Variants in GGA3 observed in about 807,000 individuals in gnomAD.
The protein encoded by GGA3 is ADP-ribosylation factor-binding protein GGA3.
In GGA3, 57 loss-of-function variants were observed where a neutral mutation model predicts 77.5. That is an observed-to-expected ratio of 0.74 (90% CI 0.59 to 0.92). The LOEUF (loss-of-function observed/expected upper bound fraction) is 0.92, where lower values mean the gene tolerates loss of function less well. Among genes scored for constraint, GGA3 ranks in the 40% least tolerant of loss-of-function variants. The pLI is 0.00. For synonymous variants in GGA3, 416 were observed against 383.7 expected, an observed-to-expected ratio of 1.08 and a Z score of -0.98; for missense variants, 970 against 914.9, an observed-to-expected ratio of 1.06 and a Z score of -0.78.
upstream of GGA3, chr17:75,262,102 C>A: frequency 1.6e-6 from 2 of 1,229,368 alleles, no homozygotes; most frequent in South Asian, 2.6e-5. Flanking sequence ...TGGATTCAAG[C>A]TTCTAAGTTA....
intron 12 of GGA3, 26 bp from the exon 13 acceptor site, chr17:75,240,134 GCCGA>G: frequency 1.0e-6 from 1 of 984,854 alleles, no homozygotes; most frequent in African/African-American, 1.6e-5. Context: ...AGGGTGGTGA[GCCGA>G]GGGCGGGTGG....
At chr17:75,251,012 C>T (rs1411240245) in intron 1 of GGA3, among the ~76,000 whole-genome samples, 2 of 151,850 alleles carry the variant, frequency 1.3e-5, no homozygotes, top group Non-Finnish European at 2.9e-5. Context: ...ACCCAGGAGG[C>T]AGAGGCTGCA....
At chr17:75,246,905 C>G in intron 1 of GGA3, 109 bp from the exon 2 acceptor site, 2 of 808,302 alleles carry the variant, frequency 2.5e-6, no homozygotes, top group East Asian at 2.5e-5. Flanking sequence ...CAACTTTACT[C>G]TCTAATAGAG....
At chr17:75,247,397 G>C (rs1237339461) in intron 1 of GGA3, among the ~76,000 whole-genome samples, 1 of 151,932 alleles carries the variant, frequency 6.6e-6, no homozygotes, top group African/African-American at 2.4e-5. Context: ...CAAGTAGCTG[G>C]GACTACAGGT....
intron 1 of GGA3, among the ~76,000 whole-genome samples, chr17:75,259,903 G>A (rs1438178182): frequency 2.6e-5 from 4 of 152,062 alleles, no homozygotes; most frequent in Non-Finnish European, 4.4e-5. Context: ...TAATCCCAGC[G>A]CTTTGTAAGG....
chr17:75,241,175 C>T, intron 10 of GGA3, 118 bp from the exon 11 acceptor site: 2 of 1,230,100 alleles, frequency 1.6e-6, no homozygotes, highest in Non-Finnish European at 1.2e-6. Context: ...AATCCAACGG[C>T]ATCTCTGCCA....
chr17:75,251,024 T>G (rs1259504028), intron 1 of GGA3, among the ~76,000 whole-genome samples: 1 of 151,840 alleles, frequency 6.6e-6, no homozygotes, highest in East Asian at 1.9e-4. Context: ...GAGGCTGCAG[T>G]GAGCTGAGAT....
At chr17:75,257,323 G>C (rs1278852251) in intron 1 of GGA3, among the ~76,000 whole-genome samples, 5 of 137,322 alleles carry the variant, frequency 3.6e-5, no homozygotes, top group Non-Finnish European at 7.7e-5. Context: ...ACTATCTTCT[G>C]TCTAGTCATA....
chr17:75,242,871 A>G lies in GGA3; in HGVS notation c.569T>C (p.Leu190Pro), dbSNP rs1567786212. 6.2e-7 allele frequency: 1 copy of G among 1,614,052 alleles called. No homozygotes were observed. Among genetic ancestry groups the G allele is most frequent in the Admixed American group, 1.7e-5 (1 of 60,026 alleles). The change falls in exon 7 of 17, where the codon CTG (leucine) becomes CCG (proline). Residue 190 changes from leucine to proline, a missense_variant. By Grantham distance (98) the Leu-to-Pro change is moderately conservative. Transcript: ENST00000537686. The stretch of plus-strand genomic sequence containing the variant: ...CTTGATGAGCTTGTTGGCCTCCTGC[A>G]GGTCATCTGGGTTTTTGCTTTTCAG... Reference protein sequence around the residue: ...KLLKSKNPDDLQEANKLIKSM... With the variant: ...KLLKSKNPDDPQEANKLIKSM...
At chr17:75,252,552 C>T (rs2145574014) in intron 1 of GGA3, among the ~76,000 whole-genome samples, 1 of 152,192 alleles carries the variant, frequency 6.6e-6, no homozygotes, top group Non-Finnish European at 1.5e-5. Context: ...TATCCCTACC[C>T]TCCACTCCTT....
At position 75,242,354 on chromosome 17, in the gene GGA3, C is replaced by G. The variant is rs751552023; in HGVS notation, c.729G>C (p.Gly243=). 6.2e-7 allele frequency: 1 copy of G among 1,614,178 alleles called. No individual in the cohort carries two copies. Among genetic ancestry groups the G allele is most frequent in the Admixed American group, 1.7e-5 (1 of 60,024 alleles). ...GTCCCACCTTCATCAGCTCTCTGTC[C>G]CCGTCCGAAGAGTCCTCCTGGCTGT... ...LHYSQEDSSD[G]DRELMKELFD... is the part of the protein sequence containing the mutation. Residue 243 remains glycine (G), a synonymous_variant, in exon 8 of 17, where the codon GGG becomes GGC. Transcript: ENST00000537686.
intron 1 of GGA3, among the ~76,000 whole-genome samples, chr17:75,252,480 T>A (rs568808453): frequency 3.3e-5 from 5 of 152,254 alleles, no homozygotes; most frequent in Admixed American, 2.6e-4. Context: ...TCTCTCCTCA[T>A]CCATTCCTCT....
chr17:75,242,422 C>A lies in GGA3; in HGVS notation c.661G>T (p.Val221Phe), dbSNP rs1400562653. Residue 221 changes from valine to phenylalanine, a missense_variant, in exon 8 of 17, where the codon GTT becomes TTT. Coordinates refer to ENST00000537686, the MANE Select transcript of GGA3 (RefSeq NM_138619.4). The stretch of plus-strand genomic sequence containing the variant: ...CTGAGCAGTCTCACGTTGTTGTTAA[C>A]TTCCTCTAACGTGTGCAGACGCTTG... Reference protein sequence around the residue: ...VTKRLHTLEEVNNNVRLLSEM... With the variant: ...VTKRLHTLEEFNNNVRLLSEM... The A allele has an allele frequency of 6.2e-7, 1 of 1,614,002 alleles. No homozygotes were observed. Among genetic ancestry groups the A allele is most frequent in the Admixed American group, 1.7e-5 (1 of 60,010 alleles).
chr17:75,239,456 A>C lies in GGA3; in HGVS notation c.1699T>G (p.Phe567Val). The stretch of plus-strand genomic sequence containing the variant: ...TTCGGGGGGCTGCCCTGGGACTGGA[A>C]ACTCAGTGGCTGGAAGAGCGGGCTG... ...PGSPLFQPLS[F>V]QSQGSPPKGP... The change falls in exon 14 of 17, where the codon TTC becomes GTC. Residue 567 changes from phenylalanine to valine, a missense_variant. Coordinates refer to ENST00000537686, the MANE Select transcript of GGA3 (RefSeq NM_138619.4). 3.2e-6 allele frequency: 5 copies of C among 1,581,048 alleles called. No individual in the cohort carries two copies. Among genetic ancestry groups the C allele is most frequent in the Non-Finnish European group, 4.3e-6 (5 of 1,171,164 alleles).
intron 1 of GGA3, among the ~76,000 whole-genome samples, chr17:75,253,520 G>A (rs954830912): frequency 1.3e-5 from 2 of 152,074 alleles, no homozygotes; most frequent in Non-Finnish European, 2.9e-5. Flanking sequence ...CTGGGGGAGG[G>A]GCAAGTACCA....
chr17:75,246,438 A>T (rs2076759961), intron 3 of GGA3, 71 bp downstream of exon 3: 13 of 1,003,270 alleles, frequency 1.3e-5, no homozygotes, highest in Non-Finnish European at 1.9e-5. Flanking sequence ...AAGAACCGCT[A>T]TGGGGACACG....
At chr17:75,261,847 A>C, upstream of GGA3, 1 of 1,566,158 alleles carries the variant, frequency 6.4e-7, no homozygotes, top group Non-Finnish European at 8.7e-7. Context: ...GTTTCCCGTC[A>C]CTCGCTCAGG....
upstream of GGA3, chr17:75,261,881 G>A (rs1460058877): frequency 6.2e-7 from 1 of 1,605,916 alleles, no homozygotes; most frequent in Non-Finnish European, 8.5e-7. Context: ...GTCCTTGTGG[G>A]GTCCTCGTGG....
Position 75,250,505 on chromosome 17 carries a change from G to A in GGA3, c.41-3709C>T, listed in dbSNP as rs568291267. Among the ~76,000 whole-genome samples, 178 of 152,326 alleles carry A rather than the reference G, an allele frequency of 1.2e-3. 2 individuals are homozygous for A. Among genetic ancestry groups the A allele is most frequent in the African/African-American group, 4.0e-3 (165 of 41,576 alleles). Reference sequence around the variant, plus strand: ...AGGCTGGATGCGGTGGCTCACGCCCGTAATCTCAGCACTTTGGGAGGCCAA... The same window carrying A: ...AGGCTGGATGCGGTGGCTCACGCCCATAATCTCAGCACTTTGGGAGGCCAA... On this transcript the variant is annotated intron_variant, in intron 1 of 16. Transcript: ENST00000537686.
Sources: allele counts gnomAD v4.1 joint callset (sites outside exome capture counted in the v4.1 genomes callset), GRCh38; gene constraint gnomAD v4.1.1; transcripts MANE v1.5; gene names NCBI Gene and HGNC (gene_info 2026-07-23, HGNC 2026-07-21).